MYCBP2: variants seen among roughly 807,000 people sequenced by gnomAD.
The protein encoded by MYCBP2 is MYC binding protein 2.
MYCBP2 carries 120 observed loss-of-function variants against 525.3 expected under a neutral mutation model. The ratio of observed to expected loss-of-function variants is 0.23; its 90% CI spans 0.20 to 0.27. The LOEUF (loss-of-function observed/expected upper bound fraction) is 0.27, where lower values mean the gene tolerates loss of function less well. Ranked by LOEUF, MYCBP2 falls within the 10% of genes least tolerant of loss-of-function variation. The pLI, the probability that MYCBP2 is intolerant of heterozygous loss-of-function variation, is 1.00. For missense variants in MYCBP2, 4,149 were observed against 5,657.1 expected (o/e 0.73, Z 8.55); for synonymous variants, 1,894 against 1,955.8 (o/e 0.97, Z 0.83).
intron 82 of MYCBP2, among the ~76,000 whole-genome samples, chr13:77,050,651 T>TAA (rs58763547): frequency 1.4e-4 from 20 of 144,348 alleles, no homozygotes; most frequent in Middle Eastern, 3.6e-3. Context: ...CAGGCTTCGT[T>TAA]AAAAAAAAAA....
At chr13:77,114,906 T>C (rs1348597819) in intron 55 of MYCBP2, among the ~76,000 whole-genome samples, 1 of 151,986 alleles carries the variant, frequency 6.6e-6, no homozygotes, top group South Asian at 2.1e-4. Flanking sequence ...AGGTAGAAAG[T>C]GATAAAATGC....
At chr13:77,279,059 T>C (rs1465210655) in intron 3 of MYCBP2, 148 bp from the exon 4 acceptor site, 4 of 460,406 alleles carry the variant, frequency 8.7e-6, no homozygotes, top group Non-Finnish European at 1.4e-5. Context: ...AAATGGCTTA[T>C]AACAATGAAC....
intron 1 of MYCBP2, among the ~76,000 whole-genome samples, chr13:77,325,252 T>C (rs1478510519): frequency 6.6e-6 from 1 of 152,206 alleles, no homozygotes; most frequent in Non-Finnish European, 1.5e-5. Flanking sequence ...AAAAGACACC[T>C]AACAATTGCC....
intron 14 of MYCBP2, among the ~76,000 whole-genome samples, chr13:77,255,601 C>T (rs930694617): frequency 6.6e-6 from 1 of 151,938 alleles, no homozygotes; most frequent in African/African-American, 2.4e-5. Context: ...AACAAGTTCA[C>T]TAATTTAGTA....
At position 77,055,541 on chromosome 13, in the gene MYCBP2, T is replaced by C. The variant is rs2037785089; in HGVS notation, c.13647+17A>G. The C allele has an allele frequency of 2.5e-6, 4 of 1,605,368 alleles. No individual in the cohort carries two copies. In the South Asian group the frequency reaches 4.4e-5, roughly 18 times the overall value. On this transcript the variant is annotated intron_variant, in intron 80 of 82. Transcript: ENST00000544440. ...AGCTCTAGTTTTTAAAACTTCTCAG[T>C]ATAATTTATAGCATACCTTTCTGCA... is the stretch of plus-strand genomic sequence containing the variant.
chr13:77,230,995 G>A (rs1206809852), intron 18 of MYCBP2, among the ~76,000 whole-genome samples: 1 of 152,200 alleles, frequency 6.6e-6, no homozygotes, highest in African/African-American at 2.4e-5. Flanking sequence ...TAAATGACAA[G>A]ACAGTGAGTG....
rs190352869 is a variant in MYCBP2 at position 77,195,211 on chromosome 13, T to A, written c.3844-967A>T. Among the ~76,000 whole-genome samples, 155 of 152,282 alleles carry A rather than the reference T, an allele frequency of 1.0e-3. 1 individual carries two copies. The highest frequency in any genetic ancestry group is 3.8e-4 in the Non-Finnish European group (26 of 68,024). On this transcript the variant is annotated intron_variant, in intron 26 of 82. Coordinates refer to ENST00000544440, the MANE Select transcript of MYCBP2 (RefSeq NM_015057.5). ...GCTCAGCTCTTATTCTCAACAGTCA[T>A]TGGATTCCCTTTGTCCTACTAGTTC...
intron 54 of MYCBP2, among the ~76,000 whole-genome samples, chr13:77,123,990 T>G (rs1272862637): frequency 6.6e-6 from 1 of 152,218 alleles, no homozygotes; most frequent in Non-Finnish European, 1.5e-5. Context: ...CTTTTTCAAA[T>G]GAACAGTTCT....
chr13:77,202,064 G>C (rs2062657662), intron 26 of MYCBP2, among the ~76,000 whole-genome samples: 1 of 151,918 alleles, frequency 6.6e-6, no homozygotes, highest in Non-Finnish European at 1.5e-5. Context: ...AGGAAATAGA[G>C]ACACAAAAAA....
intron 35 of MYCBP2, among the ~76,000 whole-genome samples, chr13:77,176,960 T>G (rs940590520): frequency 3.9e-5 from 6 of 152,086 alleles, no homozygotes; most frequent in Non-Finnish European, 7.4e-5. Flanking sequence ...AGACTTGCTA[T>G]TTAATAGGCA....
At chr13:77,142,432 T>C (rs778661330) in intron 49 of MYCBP2, among the ~76,000 whole-genome samples, 1 of 152,194 alleles carries the variant, frequency 6.6e-6, no homozygotes, top group African/African-American at 2.4e-5. Context: ...GAACTGGATA[T>C]ATCTGAGTCT....
chr13:77,119,865 T>C lies in MYCBP2; in HGVS notation c.8140+1508A>G, dbSNP rs140142289. Reference sequence around the variant, plus strand: ...TCAGCTTCCCAGGTAGCTGGGACTATAGGCATGAGCCACTATGCCTGGCAT... The same window carrying C: ...TCAGCTTCCCAGGTAGCTGGGACTACAGGCATGAGCCACTATGCCTGGCAT... On this transcript the variant is annotated intron_variant, in intron 55 of 82. Coordinates refer to ENST00000544440, the MANE Select transcript of MYCBP2 (RefSeq NM_015057.5). Among the ~76,000 whole-genome samples, 254 of 152,274 alleles carry C rather than the reference T, an allele frequency of 1.7e-3. 1 individual carries two copies. In the East Asian group the frequency reaches 0.024, roughly 14 times the overall value.
At chr13:77,310,342 G>A (rs985746206) in intron 1 of MYCBP2, among the ~76,000 whole-genome samples, 1 of 152,044 alleles carries the variant, frequency 6.6e-6, no homozygotes, top group Non-Finnish European at 1.5e-5. Context: ...CTCCAGCAAC[G>A]ATTACCACCT....
chr13:77,326,736 AGGC>A lies in MYCBP2; in HGVS notation c.37_39del (p.Ala13del). On this transcript the variant is annotated inframe_deletion, in exon 1 of 83. Coordinates refer to ENST00000544440, the MANE Select transcript of MYCBP2 (RefSeq NM_015057.5). The surrounding 1 kb of genome is among the most constrained non-coding windows in gnomAD (Gnocchi z 4.2). ...AATCCGTCCCCGCCGAGCCCCGAGGAGGCGGCGGCGGGGGAGGCAGTCGCTGCG... is the reference window on the plus strand; with the variant it reads ...AATCCGTCCCCGCCGAGCCCCGAGGAGGCGGCGGGGGAGGCAGTCGCTGCG... 2 of 1,409,758 alleles carry A rather than the reference AGGC, an allele frequency of 1.4e-6. No individual in the cohort carries two copies. Among genetic ancestry groups the A allele is most frequent in the South Asian group, 1.5e-5 (1 of 65,994 alleles). 87.3% of individuals were successfully genotyped at this position (1,409,758 alleles called of 1,614,324 possible).
chr13:77,135,532 A>G (rs1182063484), intron 52 of MYCBP2, among the ~76,000 whole-genome samples: 1 of 152,158 alleles, frequency 6.6e-6, no homozygotes, highest in Non-Finnish European at 1.5e-5. Context: ...ACAGAAAATC[A>G]TACCTGTCCC....
chr13:77,070,772 T>C, intron 68 of MYCBP2, 61 bp from the exon 69 acceptor site: 1 of 1,025,492 alleles, frequency 9.8e-7, no homozygotes, highest in Non-Finnish European at 1.4e-6. Context: ...ATAAAATTTG[T>C]ATATGTGATA....
chr13:77,166,313 G>GAAA lies in MYCBP2; in HGVS notation c.6340+13_6340+15dup. The GAAA allele has an allele frequency of 1.4e-6, 2 of 1,393,958 alleles. No homozygotes were observed. Among genetic ancestry groups the GAAA allele is most frequent in the Non-Finnish European group, 2.0e-6 (2 of 1,025,040 alleles). The allele number at this position is 1,393,958 out of a possible 1,614,324, so 86.3% of individuals were successfully genotyped here. On this transcript the variant is annotated intron_variant, in intron 41 of 82. Coordinates refer to ENST00000544440, the MANE Select transcript of MYCBP2 (RefSeq NM_015057.5). ...ACTTATTTTACCACATAAAACAGAA[G>GAAA]AAAAAAAAAACTTACCTGGCAACAC...
intron 55 of MYCBP2, chr13:77,103,414 T>C (rs1566538261): frequency 1.3e-5 from 5 of 393,748 alleles, no homozygotes; most frequent in African/African-American, 2.1e-5. Flanking sequence ...TATGCAAGTA[T>C]AAACTGTTAT....
At position 77,068,441 on chromosome 13, in the gene MYCBP2, A is replaced by AAT; in HGVS notation, c.12171+122_12171+123dup. On this transcript the variant is annotated intron_variant, in intron 70 of 82. Transcript: ENST00000544440. ...GGAGTAAAATACAGGCCCCAAACAA[A>AAT]ATATAACAAAATACGAAATAAAAAT... The AAT allele has an allele frequency of 2.4e-6, 3 of 1,232,866 alleles. No homozygotes were observed. The South Asian group carries it at 4.8e-5, about 20-fold the overall frequency. 76.4% of individuals were successfully genotyped at this position (1,232,866 alleles called of 1,614,324 possible). A position where few individuals can be genotyped will look rare whatever the true frequency, so the allele number is the denominator to read the frequency against.
Sources: gnomAD v4.1 joint callset for allele counts (sites outside exome capture counted in the v4.1 genomes callset) on GRCh38, gnomAD v4.1.1 for gene constraint, Gnocchi (gnomAD v3.1) non-coding constraint, MANE v1.5 for transcripts, NCBI Gene and HGNC (gene_info 2026-07-23, HGNC 2026-07-21) for gene names.